RALGAPA2: variants seen among roughly 807,000 people sequenced by gnomAD.
RALGAPA2 encodes the protein Ral GTPase activating protein catalytic subunit alpha 2, also known as ral GTPase-activating protein subunit alpha-2.
Under a neutral mutation model 230.4 loss-of-function variants are expected in RALGAPA2, and 139 were observed. The ratio of observed to expected loss-of-function variants is 0.60; its 90% CI spans 0.53 to 0.69. The LOEUF (loss-of-function observed/expected upper bound fraction) is 0.69. RALGAPA2 is among the 30% of genes least tolerant of loss of function. The pLI is 0.00. For missense variants in RALGAPA2, 2,163 were observed against 2,276.0 expected (o/e 0.95, Z 1.01); for synonymous variants, 847 against 837.8 (o/e 1.01, Z -0.19).
chr20:20,399,204 G>A (rs1409183831), intron 38 of RALGAPA2, among the ~76,000 whole-genome samples: 1 of 152,082 alleles, frequency 6.6e-6, no homozygotes, highest in Non-Finnish European at 1.5e-5. Flanking sequence ...AAAATCAGCT[G>A]GGTGTGGTGG....
Position 20,524,463 on chromosome 20 carries a change from T to C in RALGAPA2, c.3843A>G (p.Thr1281=), listed in dbSNP as rs755233463. 6.8e-6 allele frequency: 11 copies of C among 1,613,780 alleles called. No homozygotes were observed. The African/African-American group carries it at 1.1e-4, about 16-fold the overall frequency. ...CCGAATGCTGCTCCTCTAGGACTGC[T>C]GTGGACACGGGGTGGAGAAGGACAC... The part of the protein sequence containing the change: ...PVSVLLHPVS[T]AVLEEQHSAR... Residue 1281 remains threonine (T), a synonymous_variant, in exon 30 of 40, where the codon ACA becomes ACG. Coordinates refer to ENST00000202677, the MANE Select transcript of RALGAPA2 (RefSeq NM_020343.4).
chr20:20,596,858 T>G (rs1369699891), intron 16 of RALGAPA2, among the ~76,000 whole-genome samples: 1 of 152,208 alleles, frequency 6.6e-6, no homozygotes, highest in Non-Finnish European at 1.5e-5. Context: ...TTGCAGACTA[T>G]TCAGCAGCAT....
rs2060631737 is a variant in RALGAPA2, at chr20:20,437,062, C to T, written c.5496-24914G>A. 6.6e-6 allele frequency among the ~76,000 whole-genome samples: 1 copy of T among 152,092 alleles called. No homozygotes were observed. Among genetic ancestry groups the T allele is most frequent in the East Asian group, 1.9e-4 (1 of 5,168 alleles). ...TCCCTGGGTCCTGTGGCCTCCTCTG[C>T]ACAATGGCATCTGAACACAAACCAT... On this transcript the variant is annotated intron_variant, in intron 37 of 39. Transcript: ENST00000202677. The surrounding 1 kb of genome is among the most constrained non-coding windows in gnomAD (Gnocchi z 4.1).
intron 37 of RALGAPA2, among the ~76,000 whole-genome samples, chr20:20,441,196 T>C (rs1220941085): frequency 6.6e-6 from 1 of 152,260 alleles, no homozygotes; most frequent in Non-Finnish European, 1.5e-5. Flanking sequence ...AATTTTCTTT[T>C]GCAAGAGGAC....
chr20:20,483,797 C>T (rs558869269), intron 36 of RALGAPA2, among the ~76,000 whole-genome samples: 8 of 152,122 alleles, frequency 5.3e-5, no homozygotes, highest in South Asian at 2.1e-4. Context: ...GAAGTTCTAA[C>T]GAATAATGAG....
chr20:20,657,389 C>T (rs146490067), intron 3 of RALGAPA2, among the ~76,000 whole-genome samples: 5 of 152,358 alleles, frequency 3.3e-5, no homozygotes, highest in African/African-American at 1.2e-4. Flanking sequence ...AGCTGGAAAC[C>T]ATCAGCTAAC....
chr20:20,446,087 A>G (rs146047371), intron 37 of RALGAPA2, among the ~76,000 whole-genome samples: 2 of 150,588 alleles, frequency 1.3e-5, no homozygotes, highest in Non-Finnish European at 3.0e-5. Context: ...AGCTGTGGTT[A>G]GTAAAATCTT....
chr20:20,647,097 G>A (rs2067240747), intron 4 of RALGAPA2, among the ~76,000 whole-genome samples: 1 of 152,066 alleles, frequency 6.6e-6, no homozygotes, highest in African/African-American at 2.4e-5. Flanking sequence ...TAGATTGTAA[G>A]AATTGTCACA....
rs755763259 is a variant in RALGAPA2, at chr20:20,437,376, G to A, written c.5496-25228C>T. ...ATCCAGGCCACGCCATTGTCATTTC[G>A]TTCCTGGATTATGGCTGTGGCCTCC... On this transcript the variant is annotated intron_variant, in intron 37 of 39. Coordinates refer to ENST00000202677, the MANE Select transcript of RALGAPA2 (RefSeq NM_020343.4). This position sits in a 1 kb window ranked among gnomAD's most constrained non-coding sequence, Gnocchi z 4.1. 4.6e-5 allele frequency among the ~76,000 whole-genome samples: 7 copies of A among 152,216 alleles called. No individual in the cohort carries two copies. The highest frequency in any genetic ancestry group is 4.1e-4 in the South Asian group (2 of 4,826).
intron 3 of RALGAPA2, chr20:20,659,705 A>ATTAT: frequency 2.0e-6 from 1 of 505,046 alleles, no homozygotes; most frequent in Non-Finnish European, 3.6e-6. Context: ...AGCAGCAGCG[A>ATTAT]GAGGATGAAC....
intron 24 of RALGAPA2, among the ~76,000 whole-genome samples, chr20:20,543,456 A>G (rs1486736607): frequency 6.6e-6 from 1 of 152,206 alleles, no homozygotes; most frequent in African/African-American, 2.4e-5. Context: ...CACTATTCAC[A>G]ATAGCAAAGA....
At chr20:20,451,465 T>C (rs917767414) in intron 37 of RALGAPA2, among the ~76,000 whole-genome samples, 4 of 152,216 alleles carry the variant, frequency 2.6e-5, no homozygotes, top group African/African-American at 9.7e-5. Context: ...TTTGCCAAAT[T>C]CTGATTGCAA....
chr20:20,705,032 T>C (rs1398824049), intron 1 of RALGAPA2, among the ~76,000 whole-genome samples: 2 of 152,244 alleles, frequency 1.3e-5, no homozygotes, highest in Non-Finnish European at 2.9e-5. Flanking sequence ...CCCACCTCTA[T>C]GGTTCCACCA....
At position 20,606,912 on chromosome 20, in the gene RALGAPA2, GA is replaced by G. The variant is rs563944380; in HGVS notation, c.1801-1501del. On this transcript the variant is annotated intron_variant, in intron 14 of 39. Transcript: ENST00000202677. ...ATTCAAATCCAAATATATCTTCCCT[GA>G]AAGAAGTGCCTCTACATAGCCAAGT... is the stretch of plus-strand genomic sequence containing the variant. Among the ~76,000 whole-genome samples the G allele has an allele frequency of 1.1e-4, 17 of 152,212 alleles. No individual in the cohort carries two copies. In the South Asian group the frequency reaches 3.3e-3, roughly 30 times the overall value.
At chr20:20,559,605 T>A (rs1226888873) in intron 23 of RALGAPA2, among the ~76,000 whole-genome samples, 2 of 152,220 alleles carry the variant, frequency 1.3e-5, no homozygotes, top group African/African-American at 4.8e-5. Flanking sequence ...CTAGGAATAC[T>A]TATTTTACAT....
At position 20,503,433 on chromosome 20, in the gene RALGAPA2, T is replaced by C; in HGVS notation, c.5126A>G (p.Tyr1709Cys). The C allele has an allele frequency of 6.2e-7, 1 of 1,609,272 alleles. No individual in the cohort carries two copies. The highest frequency in any genetic ancestry group is 8.5e-7 in the Non-Finnish European group (1 of 1,177,572). Residue 1709 changes from tyrosine (Y) to cysteine (C), a missense_variant, in exon 35 of 40, where the codon TAC (tyrosine) becomes TGC (cysteine). Transcript: ENST00000202677. ...CACTTCCACAGTTGAGGTAGCATAG[T>C]AAGGGGCCGTCTGCCCGGTGCTGCC... ...RNGSTGQTAP[Y>C]YATSTVEVIF...
chr20:20,685,432 A>G (rs1215863987), intron 1 of RALGAPA2, among the ~76,000 whole-genome samples: 1 of 152,190 alleles, frequency 6.6e-6, no homozygotes, highest in South Asian at 2.1e-4. Flanking sequence ...GGAAATGTTC[A>G]TGAGTTTATT....
At chr20:20,593,207 G>A (rs988470173) in intron 16 of RALGAPA2, among the ~76,000 whole-genome samples, 1 of 152,252 alleles carries the variant, frequency 6.6e-6, no homozygotes, top group Non-Finnish European at 1.5e-5. Flanking sequence ...CCAGCCCACA[G>A]TCTAACTTCA....
chr20:20,549,335 A>G (rs2063858767), intron 23 of RALGAPA2, among the ~76,000 whole-genome samples: 1 of 152,214 alleles, frequency 6.6e-6, no homozygotes, highest in Non-Finnish European at 1.5e-5. Flanking sequence ...TAGCTGAGAT[A>G]AAGTCACATG....
Sources: allele counts gnomAD v4.1 joint callset (sites outside exome capture counted in the v4.1 genomes callset), GRCh38; gene constraint gnomAD v4.1.1; non-coding constraint Gnocchi (gnomAD v3.1); transcripts MANE v1.5; gene names NCBI Gene and HGNC (gene_info 2026-07-23, HGNC 2026-07-21).